GRIA4: variants seen among roughly 807,000 people sequenced by gnomAD.
GRIA4 encodes the protein glutamate receptor 4.
GRIA4 carries 34 observed loss-of-function variants against 104.0 expected under a neutral mutation model. The observed-to-expected ratio is 0.33, with a 90% CI of 0.25 to 0.44. The LOEUF (loss-of-function observed/expected upper bound fraction) is 0.44. Ranked by LOEUF, GRIA4 falls within the 20% of genes least tolerant of loss-of-function variation. The pLI is 1.00. For missense variants in GRIA4, 750 were observed against 1,096.5 expected (o/e 0.68, Z 4.46); for synonymous variants, 386 against 381.9 (o/e 1.01, Z -0.13).
chr11:105,616,172 T>C (rs1219664574), intron 3 of GRIA4, among the ~76,000 whole-genome samples: 1 of 151,738 alleles, frequency 6.6e-6, no homozygotes, highest in Non-Finnish European at 1.5e-5. Context: ...AATTGATTAA[T>C]ATTTTTCTTA....
intron 7 of GRIA4, among the ~76,000 whole-genome samples, chr11:105,898,860 C>T (rs545916338): frequency 1.1e-4 from 17 of 152,140 alleles, no homozygotes; most frequent in Admixed American, 8.5e-4. Flanking sequence ...CGTGAAAAAT[C>T]AGGTTGTTTT....
intron 4 of GRIA4, among the ~76,000 whole-genome samples, chr11:105,837,389 A>G (rs1389682960): frequency 6.6e-6 from 1 of 152,194 alleles, no homozygotes; most frequent in East Asian, 1.9e-4. Context: ...TGCTGGATCC[A>G]AGACCACAGC....
At chr11:105,755,576 G>A (rs950934251) in intron 4 of GRIA4, among the ~76,000 whole-genome samples, 2 of 152,162 alleles carry the variant, frequency 1.3e-5, no homozygotes, top group African/African-American at 4.8e-5. Flanking sequence ...TGGATGCTAT[G>A]ATAGTTAATT....
Position 105,711,412 on chromosome 11 carries a change from C to A in GRIA4, c.248-41569C>A, listed in dbSNP as rs567980181. On this transcript the variant is annotated intron_variant, in intron 3 of 16. Coordinates refer to ENST00000282499, the MANE Select transcript of GRIA4 (RefSeq NM_000829.4). ...GCACGCTGTGCACATGTACCCTAAA[C>A]CTTAAAGTATTATAATAATAAAATT... Among the ~76,000 whole-genome samples the A allele has an allele frequency of 2.4e-4, 36 of 151,742 alleles. 1 individual carries two copies. In the East Asian group the frequency reaches 6.8e-3, roughly 29 times the overall value.
intron 3 of GRIA4, among the ~76,000 whole-genome samples, chr11:105,747,923 A>G (rs1199011676): frequency 6.6e-6 from 1 of 152,212 alleles, no homozygotes; most frequent in African/African-American, 2.4e-5. Context: ...TTCGACACAT[A>G]CTTCAAACAA....
intron 4 of GRIA4, among the ~76,000 whole-genome samples, chr11:105,835,771 T>A (rs923408274): frequency 6.6e-6 from 1 of 151,816 alleles, no homozygotes; most frequent in Non-Finnish European, 1.5e-5. Flanking sequence ...GTTAAGAGAG[T>A]GATGTCATTA....
chr11:105,875,086 C>A (rs1313563579), intron 5 of GRIA4, among the ~76,000 whole-genome samples: 1 of 152,130 alleles, frequency 6.6e-6, no homozygotes, highest in Non-Finnish European at 1.5e-5. Context: ...GAGATACGTT[C>A]CATCAATACC....
At chr11:105,943,095 G>A (rs1398199442) in intron 14 of GRIA4, among the ~76,000 whole-genome samples, 4 of 152,060 alleles carry the variant, frequency 2.6e-5, no homozygotes, top group East Asian at 1.9e-4. Context: ...TTAATAAGAC[G>A]GAGAAAAAAT....
At chr11:105,814,235 T>G (rs1173275770) in intron 4 of GRIA4, among the ~76,000 whole-genome samples, 1 of 152,216 alleles carries the variant, frequency 6.6e-6, no homozygotes, top group East Asian at 1.9e-4. Flanking sequence ...TGATTTATAC[T>G]TTTGAAAAAT....
intron 3 of GRIA4, among the ~76,000 whole-genome samples, chr11:105,642,373 G>A (rs1951391106): frequency 1.3e-5 from 2 of 151,916 alleles, no homozygotes; most frequent in African/African-American, 4.8e-5. Flanking sequence ...TACACTTTGA[G>A]TCTGTTAAAT....
chr11:105,738,925 A>C (rs984654570), intron 3 of GRIA4, among the ~76,000 whole-genome samples: 4 of 114,616 alleles, frequency 3.5e-5, no homozygotes, highest in Middle Eastern at 3.8e-3. Context: ...ACAAGTAAAA[A>C]AAAACAAAAA....
At chr11:105,858,129 C>G (rs1201833998) in intron 4 of GRIA4, among the ~76,000 whole-genome samples, 1 of 152,018 alleles carries the variant, frequency 6.6e-6, no homozygotes, top group Non-Finnish European at 1.5e-5. Context: ...TCTTTAGTAA[C>G]TATGAAAAAG....
At chr11:105,815,213 C>A (rs1036421867) in intron 4 of GRIA4, among the ~76,000 whole-genome samples, 1 of 152,170 alleles carries the variant, frequency 6.6e-6, no homozygotes, top group Admixed American at 6.6e-5. Context: ...TCAATAAATT[C>A]TCTTTTTGCT....
chr11:105,626,697 T>C lies in GRIA4; in HGVS notation c.247+14263T>C, dbSNP rs552622851. 5.9e-5 allele frequency among the ~76,000 whole-genome samples: 9 copies of C among 152,300 alleles called. No homozygotes were observed. In the South Asian group the frequency reaches 1.9e-3, roughly 32 times the overall value. On this transcript the variant is annotated intron_variant, in intron 3 of 16. Transcript: ENST00000282499. ...CAGCCAAGCTGCTTAAGGAAGTCTG[T>C]TGATCATGAGAGTTCTCCATCTGAC...
chr11:105,623,378 T>C (rs10750731), intron 3 of GRIA4, among the ~76,000 whole-genome samples: 133,686 of 151,908 alleles, frequency 0.88, 59,791 homozygotes, highest in East Asian at 0.98. Context: ...CTACTTAACA[T>C]ATTTGAGCCG....
At chr11:105,762,973 A>G (rs529532554) in intron 4 of GRIA4, among the ~76,000 whole-genome samples, 3 of 152,258 alleles carry the variant, frequency 2.0e-5, no homozygotes, top group African/African-American at 7.2e-5. Flanking sequence ...TCAGAAATCA[A>G]TGACGGAGAT....
chr11:105,671,106 C>T (rs1182496798), intron 3 of GRIA4, among the ~76,000 whole-genome samples: 1 of 152,130 alleles, frequency 6.6e-6, no homozygotes, highest in Admixed American at 6.6e-5. Context: ...ATCAGACCCA[C>T]CTGGGTAATA....
intron 4 of GRIA4, among the ~76,000 whole-genome samples, chr11:105,758,545 G>C (rs1381483672): frequency 6.6e-6 from 1 of 152,008 alleles, no homozygotes; most frequent in Non-Finnish European, 1.5e-5. Context: ...AAGATATAGA[G>C]GAAAAGATCT....
chr11:105,682,041 T>TATAATAATA (rs569161082), intron 3 of GRIA4, among the ~76,000 whole-genome samples: 5 of 151,370 alleles, frequency 3.3e-5, no homozygotes, highest in African/African-American at 1.2e-4. Flanking sequence ...CTCTGTCTAA[T>TATAATAATA]ATAATAATAA....
Sources: gnomAD v4.1 joint callset for allele counts (sites outside exome capture counted in the v4.1 genomes callset) on GRCh38, gnomAD v4.1.1 for gene constraint, MANE v1.5 for transcripts, NCBI Gene and HGNC (gene_info 2026-07-23, HGNC 2026-07-21) for gene names.